ZNF787: variants seen among roughly 807,000 people sequenced by gnomAD.
ZNF787 encodes the protein zinc finger protein 787, also known as TTF-I-interacting peptide 20.
Under a neutral mutation model 16.9 loss-of-function variants are expected in ZNF787, and 7 were observed. That is an observed-to-expected ratio of 0.42 (90% CI 0.24 to 0.78). ZNF787 has a LOEUF of 0.78. Among genes scored for constraint, ZNF787 ranks in the 30% least tolerant of loss-of-function variants. ZNF787 has a pLI of 0.30. For synonymous variants in ZNF787, 345 were observed against 270.9 expected (o/e 1.27, Z -2.69); for missense variants, 551 against 589.3 (o/e 0.94, Z 0.67).
intron 1 of ZNF787, among the ~76,000 whole-genome samples, chr19:56,118,101 G>C (rs970399999): frequency 6.6e-6 from 1 of 152,226 alleles, no homozygotes; most frequent in Non-Finnish European, 1.5e-5. Context: ...CTCAGAGCTT[G>C]GGCTGGTTTC....
intron 2 of ZNF787, among the ~76,000 whole-genome samples, chr19:56,097,693 G>A (rs947856032): frequency 6.6e-5 from 10 of 152,238 alleles, no homozygotes; most frequent in African/African-American, 1.7e-4. Flanking sequence ...GTGCAGGCAC[G>A]GCGCGAGGGA....
At chr19:56,097,014 G>A (rs1031681600) in intron 2 of ZNF787, among the ~76,000 whole-genome samples, 3 of 152,148 alleles carry the variant, frequency 2.0e-5, no homozygotes, top group African/African-American at 2.4e-5. Context: ...GTTAGGAAGC[G>A]CCAGTCAGCC....
At chr19:56,112,712 C>A (rs79308809) in intron 1 of ZNF787, among the ~76,000 whole-genome samples, 1 of 151,918 alleles carries the variant, frequency 6.6e-6, no homozygotes, top group Non-Finnish European at 1.5e-5. Flanking sequence ...TTCCTTCCCC[C>A]CAAGTCATCC....
Position 56,088,410 on chromosome 19 carries a change from C to A in ZNF787, c.762G>T (p.Ala254=), listed in dbSNP as rs1985430629. Residue 254 remains alanine, a synonymous_variant, in exon 3 of 3, where the codon GCG becomes GCT. Coordinates refer to ENST00000610935, the MANE Select transcript of ZNF787 (RefSeq NM_001002836.4). This position sits in a 1 kb window ranked among gnomAD's most constrained non-coding sequence, Gnocchi z 8.6. ...IVVGAPGEGA[A]AAAAMAGAGA... is the part of the protein sequence containing the mutation. ...CCGCGCCCGCCATGGCTGCCGCGGC[C>A]GCGGCCCCCTCGCCCGGCGCGCCCA... 2 of 1,124,310 alleles carry A rather than the reference C, an allele frequency of 1.8e-6. No homozygotes were observed. Among genetic ancestry groups the A allele is most frequent in the Non-Finnish European group, 2.2e-6 (2 of 919,898 alleles). 69.6% of individuals were successfully genotyped at this position (1,124,310 alleles called of 1,614,324 possible).
At position 56,088,193 on chromosome 19, in the gene ZNF787, C is replaced by A. The variant is rs1371368325; in HGVS notation, c.979G>T (p.Val327Leu). Residue 327 changes from valine to leucine, a missense_variant, in exon 3 of 3, where the codon GTG becomes TTG. By Grantham distance (32) the Val-to-Leu change is conservative. Around this residue, in one of 4 missense-constraint regions of ZNF787, gnomAD observed 392 missense variants for 312.7 expected, o/e 1.25. Coordinates refer to ENST00000610935, the MANE Select transcript of ZNF787 (RefSeq NM_001002836.4). This position sits in a 1 kb window ranked among gnomAD's most constrained non-coding sequence, Gnocchi z 8.6. ...HICVECGEGFVQGAALRRHKK... is the reference protein window; with the variant it reads ...HICVECGEGFLQGAALRRHKK... ...TGTCTCCGGAGCGCGGCGCCCTGCACGAAGCCCTCCCCGCACTCCACGCAG... is the reference window on the plus strand; with the variant it reads ...TGTCTCCGGAGCGCGGCGCCCTGCAAGAAGCCCTCCCCGCACTCCACGCAG... The A allele has an allele frequency of 3.2e-6, 5 of 1,540,794 alleles. No homozygotes were observed. Among genetic ancestry groups the A allele is most frequent in the African/African-American group, 1.4e-5 (1 of 69,774 alleles).
intron 1 of ZNF787, among the ~76,000 whole-genome samples, chr19:56,116,200 G>T (rs1009653901): frequency 6.6e-6 from 1 of 152,116 alleles, no homozygotes; most frequent in African/African-American, 2.4e-5. Flanking sequence ...CCAGCACTCT[G>T]GGAGGCCGAG....
In ZNF787 at chr19:56,087,679, C is replaced by G; in HGVS notation, c.*344G>C. ...TCCTCGCAGCACCCCCCACCCCCGCCCCGGACAACTGAGGAAGAGCAGGGA... is the reference window on the plus strand; with the variant it reads ...TCCTCGCAGCACCCCCCACCCCCGCGCCGGACAACTGAGGAAGAGCAGGGA... On this transcript the variant is annotated 3_prime_UTR_variant, in exon 3 of 3. Transcript: ENST00000610935. The G allele has an allele frequency of 5.5e-6, 1 of 181,012 alleles. No homozygotes were observed. 11.2% of individuals were successfully genotyped at this position (181,012 alleles called of 1,614,324 possible). A position where few individuals can be genotyped will look rare whatever the true frequency, so the allele number is the denominator to read the frequency against.
At position 56,103,183 on chromosome 19, in the gene ZNF787, G is replaced by A. The variant is rs762356104; in HGVS notation, c.35C>T (p.Pro12Leu). ...CATCTGCTGGTCCTCAGAATCCAGC[G>A]GCCCCGGAGACCAGGCTTCTTCCCG... ...ELREEAWSPG[P>L]LDSEDQQMAS... Residue 12 changes from proline to leucine, a missense_variant, in exon 2 of 3, where the codon CCG becomes CTG. Pro to Leu is a moderately conservative substitution (Grantham distance 98, BLOSUM62 -3). Transcript: ENST00000610935. The A allele has an allele frequency of 4.5e-5, 71 of 1,578,594 alleles. No homozygotes were observed. The highest frequency in any genetic ancestry group is 5.3e-5 in the Non-Finnish European group (61 of 1,161,818).
At chr19:56,108,458 G>A (rs937470028) in intron 1 of ZNF787, among the ~76,000 whole-genome samples, 1 of 150,544 alleles carries the variant, frequency 6.6e-6, no homozygotes, top group Non-Finnish European at 1.5e-5. Context: ...CCTCCCAGCT[G>A]CCTCCTCTGG....
chr19:56,091,306 GA>G (rs1365283261), intron 2 of ZNF787, among the ~76,000 whole-genome samples: 20 of 152,218 alleles, frequency 1.3e-4, no homozygotes, highest in Non-Finnish European at 2.5e-4. Context: ...TGTGAAGAAA[GA>G]AAGTGTAGCA....
intron 2 of ZNF787, among the ~76,000 whole-genome samples, chr19:56,089,776 G>A (rs890666454): frequency 2.0e-5 from 3 of 152,146 alleles, no homozygotes; most frequent in Admixed American, 6.5e-5. Flanking sequence ...AGGACAATTC[G>A]GGCACACAGG....
At chr19:56,102,995 C>T (rs1436165309) in intron 2 of ZNF787, 144 bp downstream of exon 2, 10 of 814,136 alleles carry the variant, frequency 1.2e-5, no homozygotes, top group Admixed American at 5.8e-5. Context: ...AGGCCCAGGG[C>T]GGGAGGGGAG....
In ZNF787 at chr19:56,096,731, T is replaced by A. The variant is rs555290007; in HGVS notation, c.79+6408A>T. 2.6e-3 allele frequency among the ~76,000 whole-genome samples: 399 copies of A among 151,674 alleles called. 10 individuals carry two copies. Among genetic ancestry groups the A allele is most frequent in the Admixed American group, 0.023 (356 of 15,214 alleles). On this transcript the variant is annotated intron_variant, in intron 2 of 2. Transcript: ENST00000610935. ...CCGTCTCAGAAAATAAATAAATAAA[T>A]AAAAATAAAACAAAATAAAATAAAG...
At chr19:56,092,867 T>C (rs962827220) in intron 2 of ZNF787, among the ~76,000 whole-genome samples, 1 of 142,272 alleles carries the variant, frequency 7.0e-6, no homozygotes, top group Non-Finnish European at 1.5e-5. Context: ...GGGATCCCCA[T>C]AGACACAGGG....
In ZNF787 at chr19:56,088,608, G is replaced by A. The variant is rs1159042473; in HGVS notation, c.564C>T (p.Ser188=). The change falls in exon 3 of 3, where the codon AGC becomes AGT. Residue 188 remains serine (S), a synonymous_variant. Coordinates refer to ENST00000610935, the MANE Select transcript of ZNF787 (RefSeq NM_001002836.4). The surrounding 1 kb of genome is among the most constrained non-coding windows in gnomAD (Gnocchi z 8.6). Reference sequence around the variant, plus strand: ...GGTGACGCGCGAGGCTCTTGGGCTGGCTGAAGCCGCGGCCGCAGCGCGGGC... The same window carrying A: ...GGTGACGCGCGAGGCTCTTGGGCTGACTGAAGCCGCGGCCGCAGCGCGGGC... The part of the protein sequence containing the change: ...FVCPRCGRGF[S]QPKSLARHLR... 4 of 1,519,634 alleles carry A rather than the reference G, an allele frequency of 2.6e-6. No homozygotes were observed. Among genetic ancestry groups the A allele is most frequent in the African/African-American group, 2.8e-5 (2 of 70,556 alleles). The allele number at this position is 1,519,634 out of a possible 1,614,324, so 94.1% of individuals were successfully genotyped here. A position where few individuals can be genotyped will look rare whatever the true frequency, so the allele number is the denominator to read the frequency against.
intron 2 of ZNF787, 162 bp downstream of exon 2, chr19:56,102,977 G>A (rs1986160879): frequency 2.7e-6 from 2 of 752,010 alleles, no homozygotes; most frequent in East Asian, 2.7e-5. Flanking sequence ...TCTACAGCCA[G>A]GAGTGCAAGG....
At chr19:56,116,648 C>T (rs2030146571) in intron 1 of ZNF787, among the ~76,000 whole-genome samples, 1 of 152,088 alleles carries the variant, frequency 6.6e-6, no homozygotes, top group South Asian at 2.1e-4. Flanking sequence ...ACCACACCTG[C>T]GGACCACCTT....
In ZNF787 at chr19:56,117,034, TGGGCA is replaced by T. The variant is rs111924118; in HGVS notation, c.-11+4133_-11+4137del. On this transcript the variant is annotated intron_variant, in intron 1 of 2. Transcript: ENST00000610935. ...CACAGGGACAAGAGGACAGCCGTTC[TGGGCA>T]GGGCAGGGTGGGATCTGGCCCCCCA... is the stretch of plus-strand genomic sequence containing the variant. Among the ~76,000 whole-genome samples the T allele has an allele frequency of 2.3e-3, 357 of 152,262 alleles. 2 individuals are homozygous for T. Among genetic ancestry groups the T allele is most frequent in the African/African-American group, 7.3e-3 (302 of 41,572 alleles).
chr19:56,100,013 G>A (rs567391455), intron 2 of ZNF787, among the ~76,000 whole-genome samples: 14 of 152,258 alleles, frequency 9.2e-5, no homozygotes, highest in African/African-American at 3.1e-4. Flanking sequence ...CCAGTGCGCC[G>A]TGACTGTGTG....
Sources: gnomAD v4.1 joint callset for allele counts (sites outside exome capture counted in the v4.1 genomes callset) on GRCh38, gnomAD v4.1.1 for gene constraint, gnomAD v4.1.1 regional missense constraint, Gnocchi (gnomAD v3.1) non-coding constraint, MANE v1.5 for transcripts, NCBI Gene and HGNC (gene_info 2026-07-23, HGNC 2026-07-21) for gene names.